The following MSH3 variants were observed in gnomAD, a reference collection of about 807,000 sequenced individuals.
MSH3 encodes mutS homolog 3, also known as DNA mismatch repair protein Msh3.
MSH3 carries 106 observed loss-of-function variants against 123.3 expected under a neutral mutation model. That is an observed-to-expected ratio of 0.86 (90% confidence interval 0.73 to 1.01). The LOEUF (loss-of-function observed/expected upper bound fraction) is 1.01, where lower values mean the gene tolerates loss of function less well. Ranked by LOEUF, MSH3 falls within the 50% of genes least tolerant of loss-of-function variation. MSH3 has a pLI of 0.00. For synonymous variants in MSH3, 515 were observed against 481.4 expected (o/e 1.07, Z -0.91); for missense variants, 1,459 against 1,347.6 (o/e 1.08, Z -1.29).
At chr5:80,731,085 G>A (rs926788173) in intron 10 of MSH3, among the ~76,000 whole-genome samples, 1 of 151,426 alleles carries the variant, frequency 6.6e-6, no homozygotes, top group African/African-American at 2.4e-5. Flanking sequence ...TGTATTTTTA[G>A]TAGAGACAGG....
intron 8 of MSH3, among the ~76,000 whole-genome samples, chr5:80,708,931 T>C (rs1011682313): frequency 6.6e-6 from 1 of 151,916 alleles, no homozygotes; most frequent in Non-Finnish European, 1.5e-5. Context: ...CCCACTACCA[T>C]GTCTGGCTAA....
intron 22 of MSH3, among the ~76,000 whole-genome samples, chr5:80,867,642 C>T (rs1220135520): frequency 2.0e-5 from 3 of 152,116 alleles, no homozygotes; most frequent in African/African-American, 7.2e-5. Context: ...TAGGCTACTA[C>T]TAATATCAAC....
chr5:80,669,201 G>A (rs1650654), intron 3 of MSH3, among the ~76,000 whole-genome samples: 42,206 of 152,070 alleles, frequency 0.28, 6,092 homozygotes, highest in Middle Eastern at 0.35. Flanking sequence ...ACTACAAAGT[G>A]TACATGTTTC....
rs1745875751 is a variant in MSH3, at chr5:80,854,121, T to TG, written c.2814-8dup. On this transcript the variant is annotated splice_polypyrimidine_tract_variant and intron_variant, in intron 20 of 23. Coordinates refer to ENST00000265081, the MANE Select transcript of MSH3 (RefSeq NM_002439.5). Reference sequence around the variant, plus strand: ...GAGGAAAATCAAGGTGTTTTCATCTTGCTTGTAGGATGGGTGCTGCAGACA... The same window carrying TG: ...GAGGAAAATCAAGGTGTTTTCATCTTGGCTTGTAGGATGGGTGCTGCAGACA... 5 of 1,612,020 alleles carry TG rather than the reference T, an allele frequency of 3.1e-6. No individual in the cohort carries two copies. Among genetic ancestry groups the TG allele is most frequent in the Non-Finnish European group, 4.2e-6 (5 of 1,178,354 alleles).
At chr5:80,710,567 A>G (rs1398954477) in intron 8 of MSH3, among the ~76,000 whole-genome samples, 2 of 152,200 alleles carry the variant, frequency 1.3e-5, no homozygotes, top group Non-Finnish European at 2.9e-5. Context: ...CAGCCCTGGT[A>G]TCCAGCAGAA....
chr5:80,744,540 T>C lies in MSH3; in HGVS notation c.1688T>C (p.Val563Ala), dbSNP rs748479596. ...AAAACCAAAGGAAGTTTGCTGTGGG[T>C]TTTAGACCACACTAAAACTTCATTT... is the stretch of plus-strand genomic sequence containing the variant. ...DMKTKGSLLW[V>A]LDHTKTSFGR... Residue 563 changes from valine to alanine, a missense_variant, in exon 12 of 24, where the codon GTT (valine) becomes GCT (alanine). Coordinates refer to ENST00000265081, the MANE Select transcript of MSH3 (RefSeq NM_002439.5). The C allele has an allele frequency of 1.2e-6, 2 of 1,613,706 alleles. No homozygotes were observed. The highest frequency in any genetic ancestry group is 2.2e-5 in the South Asian group (2 of 91,000).
Position 80,654,760 on chromosome 5 carries a change from C to T in MSH3, c.33C>T (p.Leu11=), listed in dbSNP as rs564921007. The T allele has an allele frequency of 6.2e-6, 10 of 1,603,704 alleles. No homozygotes were observed. The South Asian group carries it at 8.8e-5, about 14-fold the overall frequency. MSRRKPASGG[L]AASSSAPARQ... Reference sequence around the variant, plus strand: ...GCCGGAAGCCTGCGTCGGGCGGCCTCGCTGCCTCCAGCTCAGCCCCTGCGA... The same window carrying T: ...GCCGGAAGCCTGCGTCGGGCGGCCTTGCTGCCTCCAGCTCAGCCCCTGCGA... Residue 11 remains leucine (L), a synonymous_variant, in exon 1 of 24, where the codon CTC becomes CTT. Transcript: ENST00000265081.
chr5:80,829,733 A>G (rs1304917102), intron 20 of MSH3, among the ~76,000 whole-genome samples: 1 of 152,218 alleles, frequency 6.6e-6, no homozygotes, highest in Non-Finnish European at 1.5e-5. Flanking sequence ...TATTAAGGTA[A>G]TGCTGGCCTT....
chr5:80,721,512 G>C (rs1751076533), intron 8 of MSH3, among the ~76,000 whole-genome samples: 1 of 144,836 alleles, frequency 6.9e-6, no homozygotes, highest in Non-Finnish European at 1.6e-5. Context: ...TTGCTGTTTT[G>C]TGTTGTTTCT....
At chr5:80,717,289 G>A (rs560532504) in intron 8 of MSH3, among the ~76,000 whole-genome samples, 7 of 152,146 alleles carry the variant, frequency 4.6e-5, no homozygotes, top group African/African-American at 1.7e-4. Flanking sequence ...TTTAAGAGAG[G>A]GTGTCTTGCC....
At chr5:80,699,543 G>A (rs1750559582) in intron 8 of MSH3, among the ~76,000 whole-genome samples, 1 of 115,926 alleles carries the variant, frequency 8.6e-6, no homozygotes, top group Admixed American at 1.1e-4. Context: ...GGGCAACAGA[G>A]TACAACACTG....
chr5:80,771,125 A>G (rs943957272), intron 15 of MSH3, among the ~76,000 whole-genome samples: 10 of 152,146 alleles, frequency 6.6e-5, no homozygotes, highest in Non-Finnish European at 1.5e-4. Flanking sequence ...GAACCTTTTG[A>G]AAAAAATAAT....
rs1580045730 is a variant in MSH3, at chr5:80,778,838, T to G, written c.2435+2T>G. 6.7e-7 allele frequency: 1 copy of G among 1,485,472 alleles called. No homozygotes were observed. Among genetic ancestry groups the G allele is most frequent in the Non-Finnish European group, 9.4e-7 (1 of 1,062,646 alleles). The allele number at this position is 1,485,472 out of a possible 1,614,324, so 92.0% of individuals were successfully genotyped here. On this transcript the variant is annotated splice_donor_variant, in intron 17 of 23. Coordinates refer to ENST00000265081, the MANE Select transcript of MSH3 (RefSeq NM_002439.5). LOFTEE classifies it high-confidence loss of function. ...TGCTGAATGGCTTGATTTTCTAGAG[T>G]GAGTTTACAATGAAAAAATATAATC... is the stretch of plus-strand genomic sequence containing the variant.
Position 80,728,975 on chromosome 5 carries a change from TCCTC to T in MSH3, c.1568+12_1568+15del. The T allele has an allele frequency of 7.0e-7, 1 of 1,424,762 alleles. No individual in the cohort carries two copies. Among genetic ancestry groups the T allele is most frequent in the Non-Finnish European group, 9.9e-7 (1 of 1,008,460 alleles). 88.3% of individuals were successfully genotyped at this position (1,424,762 alleles called of 1,614,324 possible). On this transcript the variant is annotated intron_variant, in intron 10 of 23. Coordinates refer to ENST00000265081, the MANE Select transcript of MSH3 (RefSeq NM_002439.5). ...TGCTCTCCAAACCTGAGTAAGTGAT[TCCTC>T]CAAAATTAAAAAAAGGGGGAGCTTA...
chr5:80,846,533 A>T (rs1745725046), intron 20 of MSH3, among the ~76,000 whole-genome samples: 1 of 152,124 alleles, frequency 6.6e-6, no homozygotes, highest in Non-Finnish European at 1.5e-5. Context: ...GAGAGGCAGT[A>T]GGCCTTGCTG....
intron 20 of MSH3, among the ~76,000 whole-genome samples, chr5:80,844,263 A>G (rs1036037599): frequency 2.0e-5 from 3 of 152,032 alleles, no homozygotes; most frequent in Non-Finnish European, 2.9e-5. Flanking sequence ...GGTCTGAGAG[A>G]CAGTTTGTTG....
chr5:80,747,986 T>A (rs1009841563), intron 12 of MSH3, among the ~76,000 whole-genome samples: 2 of 152,224 alleles, frequency 1.3e-5, no homozygotes, highest in African/African-American at 4.8e-5. Flanking sequence ...TATACTGACA[T>A]AAGTGCCTTA....
intron 11 of MSH3, among the ~76,000 whole-genome samples, chr5:80,742,453 A>G (rs913704107): frequency 2.0e-5 from 3 of 152,256 alleles, no homozygotes; most frequent in African/African-American, 7.2e-5. Context: ...TTATCCTAAC[A>G]AAGTAATAGA....
At chr5:80,685,158 CAG>C (rs1444111856) in intron 8 of MSH3, among the ~76,000 whole-genome samples, 1 of 148,168 alleles carries the variant, frequency 6.7e-6, no homozygotes, top group African/African-American at 2.5e-5. Flanking sequence ...ATTCTGGTAT[CAG>C]GGTAATACTG....
Sources: allele counts gnomAD v4.1 joint callset (sites outside exome capture counted in the v4.1 genomes callset), GRCh38; gene constraint gnomAD v4.1.1; transcripts MANE v1.5; gene names NCBI Gene and HGNC (gene_info 2026-07-23, HGNC 2026-07-21).